The following TNKS2 variants were observed in gnomAD, a reference collection of about 807,000 sequenced individuals.
The protein encoded by TNKS2 is poly [ADP-ribose] polymerase tankyrase-2.
TNKS2 carries 72 observed loss-of-function variants against 137.6 expected under a neutral mutation model. The observed-to-expected ratio is 0.52, with a 90% CI of 0.43 to 0.64. The LOEUF is 0.64. Among genes scored for constraint, TNKS2 ranks in the 30% least tolerant of loss-of-function variants. TNKS2 has a pLI of 0.00. For missense variants in TNKS2, 1,049 were observed against 1,410.2 expected (o/e 0.74, Z 4.10); for synonymous variants, 516 against 512.1 (o/e 1.01, Z -0.10).
At chr10:91,827,373 C>A (rs1304721308) in intron 8 of TNKS2, among the ~76,000 whole-genome samples, 170 bp downstream of exon 8, 2 of 152,108 alleles carry the variant, frequency 1.3e-5, no homozygotes, top group African/African-American at 2.4e-5. Flanking sequence ...ACTTAAGATG[C>A]TATGAAAAGA....
In TNKS2 at chr10:91,798,835, G is replaced by A; in HGVS notation, c.145G>A (p.Val49Met). ...RVKRLVTPEKVNSRDTAGRKS... is the reference protein window; with the variant it reads ...RVKRLVTPEKMNSRDTAGRKS... ...CAAGAGGCTGGTGACGCCTGAGAAGGTGAACAGCCGCGACACGGCGGGCAG... is the reference window on the plus strand; with the variant it reads ...CAAGAGGCTGGTGACGCCTGAGAAGATGAACAGCCGCGACACGGCGGGCAG... Residue 49 changes from valine to methionine, a missense_variant, in exon 1 of 27, where the codon GTG becomes ATG. Physicochemically the swap from Val to Met is conservative, Grantham distance 21 (BLOSUM62 1). This residue lies in a region of TNKS2 where 374 missense variants were observed against 460.8 expected (regional missense o/e 0.81). Transcript: ENST00000371627. 7.4e-7 allele frequency: 1 copy of A among 1,358,912 alleles called. No individual in the cohort carries two copies. The highest frequency in any genetic ancestry group is 9.5e-7 in the Non-Finnish European group (1 of 1,047,850). 84.2% of individuals were successfully genotyped at this position (1,358,912 alleles called of 1,614,324 possible). A position where few individuals can be genotyped will look rare whatever the true frequency, so the allele number is the denominator to read the frequency against.
At chr10:91,851,172 C>T in intron 20 of TNKS2, 44 bp from the exon 21 acceptor site, 1 of 1,605,076 alleles carries the variant, frequency 6.2e-7, no homozygotes, top group African/African-American at 1.3e-5. Context: ...TGAATGTCCA[C>T]CAAATAAGTA....
chr10:91,832,672 AT>A (rs1841849545), intron 11 of TNKS2, among the ~76,000 whole-genome samples: 1 of 152,148 alleles, frequency 6.6e-6, no homozygotes, highest in South Asian at 2.1e-4. Flanking sequence ...ATGAATATGA[AT>A]TGGTCAGTGT....
At chr10:91,821,687 C>T (rs1162067981) in intron 6 of TNKS2, among the ~76,000 whole-genome samples, 1 of 152,076 alleles carries the variant, frequency 6.6e-6, no homozygotes, top group Non-Finnish European at 1.5e-5. Context: ...TATTAAGGAT[C>T]TCAAAAAAGT....
chr10:91,835,592 C>CT (rs35247985), intron 12 of TNKS2, among the ~76,000 whole-genome samples: 289 of 109,404 alleles, frequency 2.6e-3, no homozygotes, highest in Non-Finnish European at 3.4e-3. Context: ...CCCGGCCTTT[C>CT]TTTTTTTTTT....
rs150342370 is a variant in TNKS2, at chr10:91,817,221, T to C, written c.512T>C (p.Val171Ala). Residue 171 changes from valine to alanine, a missense_variant, in exon 3 of 27, where the codon GTG (valine) becomes GCG (alanine). Transcript: ENST00000371627. ...TTAGCAGATCCATCTGCCAAAGCAGTGCTTACTGGTAAGTCTGTATACTCT... is the reference window on the plus strand; with the variant it reads ...TTAGCAGATCCATCTGCCAAAGCAGCGCTTACTGGTAAGTCTGTATACTCT... ...LDLADPSAKAVLTGEYKKDEL... is the reference protein window; with the variant it reads ...LDLADPSAKAALTGEYKKDEL... 1.9e-6 allele frequency: 3 copies of C among 1,612,312 alleles called. No homozygotes were observed. The highest frequency in any genetic ancestry group is 2.5e-6 in the Non-Finnish European group (3 of 1,178,960).
rs74357742 is a variant in TNKS2, at chr10:91,818,893, A to G, written c.521-377A>G. 3.4e-3 allele frequency among the ~76,000 whole-genome samples: 511 copies of G among 152,246 alleles called. 3 individuals carry two copies. The highest frequency in any genetic ancestry group is 0.011 in the African/African-American group (469 of 41,520). ...TGTTTCTCTGTTATAAAAATAACAT[A>G]CTCATTTTAGGAAATTTGAAGGGAA... On this transcript the variant is annotated intron_variant, in intron 3 of 26. Transcript: ENST00000371627.
intron 4 of TNKS2, 28 bp downstream of exon 4, chr10:91,819,334 C>A (rs1589656462): frequency 6.4e-6 from 9 of 1,416,810 alleles, no homozygotes; most frequent in Admixed American, 5.3e-5. Flanking sequence ...AAATATGTGA[C>A]AGGAATACTT....
At chr10:91,825,633 C>T (rs748271536) in intron 7 of TNKS2, among the ~76,000 whole-genome samples, 3 of 152,178 alleles carry the variant, frequency 2.0e-5, no homozygotes, top group Admixed American at 6.5e-5. Context: ...TGCAAATTAG[C>T]TCCCCATTGT....
At chr10:91,809,152 G>A (rs529266432) in intron 1 of TNKS2, among the ~76,000 whole-genome samples, 11 of 152,250 alleles carry the variant, frequency 7.2e-5, no homozygotes, top group Middle Eastern at 3.4e-3. Context: ...AAAGGAAGAT[G>A]TAAACACTAT....
rs760108109 is a variant in TNKS2 at position 91,861,978 on chromosome 10, C to A, written c.3282-21C>A. ...GTATCAAATTTGACTTCAGGGTGAT[C>A]TTTTCCTTTTCGTTTTATAGGCAGC... On this transcript the variant is annotated intron_variant, in intron 25 of 26. Coordinates refer to ENST00000371627, the MANE Select transcript of TNKS2 (RefSeq NM_025235.4). 12 of 1,596,258 alleles carry A rather than the reference C, an allele frequency of 7.5e-6. No individual in the cohort carries two copies. In the African/African-American group the frequency reaches 1.1e-4, roughly 14 times the overall value.
rs776802463 is a variant in TNKS2, at chr10:91,859,451, A to T, written c.3095-11A>T. On this transcript the variant is annotated splice_polypyrimidine_tract_variant and intron_variant, in intron 24 of 26. Coordinates refer to ENST00000371627, the MANE Select transcript of TNKS2 (RefSeq NM_025235.4). ...TTTTAAATTATTGTTACCCATCTAT[A>T]TGTGTTTCAGGGTCTCCTTTTGTGA... 2.5e-5 allele frequency: 39 copies of T among 1,550,040 alleles called. No homozygotes were observed. Among genetic ancestry groups the T allele is most frequent in the Non-Finnish European group, 3.1e-5 (36 of 1,152,752 alleles).
chr10:91,862,020 A>T lies in TNKS2; in HGVS notation c.3303A>T (p.Val1101=), dbSNP rs1048748538. 1 of 1,609,386 alleles carries T rather than the reference A, an allele frequency of 6.2e-7. No individual in the cohort carries two copies. Among genetic ancestry groups the T allele is most frequent in the Non-Finnish European group, 8.5e-7 (1 of 1,177,818 alleles). Residue 1101 remains valine (V), a synonymous_variant, in exon 26 of 27, where the codon GTA becomes GTT. Transcript: ENST00000371627. ...ATAGGCAGCTGCTCTTTTGCCGGGTAACCTTGGGAAAGTCTTTCCTGCAGT... is the reference window on the plus strand; with the variant it reads ...ATAGGCAGCTGCTCTTTTGCCGGGTTACCTTGGGAAAGTCTTTCCTGCAGT... ...ICHRQLLFCR[V]TLGKSFLQFS...
chr10:91,856,701 C>T (rs909065055), intron 23 of TNKS2, among the ~76,000 whole-genome samples: 1 of 151,916 alleles, frequency 6.6e-6, no homozygotes, highest in Admixed American at 6.6e-5. Context: ...TGTTGTTGTT[C>T]CTTTTTAATG....
chr10:91,841,696 TTTTCTC>T (rs552738708), intron 15 of TNKS2, among the ~76,000 whole-genome samples: 17 of 152,050 alleles, frequency 1.1e-4, no homozygotes, highest in Non-Finnish European at 2.2e-4. Flanking sequence ...TATTTTTAGT[TTTTCTC>T]TTTGGTACTT....
At chr10:91,832,544 C>T (rs1841844190) in intron 11 of TNKS2, among the ~76,000 whole-genome samples, 1 of 151,416 alleles carries the variant, frequency 6.6e-6, no homozygotes, top group Non-Finnish European at 1.5e-5. Flanking sequence ...GTTTGATTGT[C>T]CTAAGCATTT....
rs1457099354 is a variant in TNKS2 at position 91,842,238 on chromosome 10, G to T, written c.1906G>T (p.Asp636Tyr). Reference protein sequence around the residue: ...NTPLDLVKDGDTDIQDLLRGD... With the variant: ...NTPLDLVKDGYTDIQDLLRGD... ...TCCTTTGGATCTTGTTAAAGATGGA[G>T]ATACAGATATTCAAGATCTGCTTAG... The change falls in exon 16 of 27, where the codon GAT becomes TAT. Residue 636 changes from aspartate (D) to tyrosine (Y), a missense_variant. Transcript: ENST00000371627. 1 of 1,614,046 alleles carries T rather than the reference G, an allele frequency of 6.2e-7. No homozygotes were observed. The highest frequency in any genetic ancestry group is 2.2e-5 in the East Asian group (1 of 44,876).
intron 24 of TNKS2, among the ~76,000 whole-genome samples, chr10:91,858,387 T>C (rs978110509): frequency 3.3e-5 from 5 of 152,188 alleles, no homozygotes; most frequent in African/African-American, 9.7e-5. Context: ...TATAATATGG[T>C]TTTTCTAATT....
In TNKS2 at chr10:91,841,388, T is replaced by A; in HGVS notation, c.1779T>A (p.Phe593Leu). 1 of 1,609,980 alleles carries A rather than the reference T, an allele frequency of 6.2e-7. No homozygotes were observed. The highest frequency in any genetic ancestry group is 8.5e-7 in the Non-Finnish European group (1 of 1,178,240). ...TTAATGTAGCTGATTTATGGAAATT[T>A]ACACCTTTACATGAAGCAGCAGCAA... is the stretch of plus-strand genomic sequence containing the variant. Reference protein sequence around the residue: ...AVVNVADLWKFTPLHEAAAKG... With the variant: ...AVVNVADLWKLTPLHEAAAKG... Residue 593 changes from phenylalanine (F) to leucine (L), a missense_variant, in exon 15 of 27, where the codon TTT becomes TTA. By Grantham distance (22) the Phe-to-Leu change is conservative. Transcript: ENST00000371627.
Sources: gnomAD v4.1 joint callset for allele counts (sites outside exome capture counted in the v4.1 genomes callset) on GRCh38, gnomAD v4.1.1 for gene constraint, gnomAD v4.1.1 regional missense constraint, MANE v1.5 for transcripts, NCBI Gene and HGNC (gene_info 2026-07-23, HGNC 2026-07-21) for gene names.